Variants in SNX15 observed in about 807,000 individuals in gnomAD.
SNX15 encodes the protein sorting nexin 15.
Under a neutral mutation model 35.2 loss-of-function variants are expected in SNX15, and 29 were observed. The ratio of observed to expected loss-of-function variants is 0.82; its 90% CI spans 0.61 to 1.12. The LOEUF (loss-of-function observed/expected upper bound fraction) is 1.12. SNX15 is among the 50% of genes most tolerant of loss of function. The pLI, the probability that SNX15 is intolerant of heterozygous loss-of-function variation, is 0.00. For synonymous variants in SNX15, 189 were observed against 188.2 expected (o/e 1.00, Z -0.03); for missense variants, 400 against 451.5 (o/e 0.89, Z 1.03).
chr11:65,039,842 TTCTCC>T lies in SNX15; in HGVS notation c.*56_*60del, dbSNP rs766582328. 8.5e-6 allele frequency: 11 copies of T among 1,297,992 alleles called. No homozygotes were observed. The South Asian group carries it at 1.4e-4, about 16-fold the overall frequency. 80.4% of individuals were successfully genotyped at this position (1,297,992 alleles called of 1,614,324 possible). On this transcript the variant is annotated 3_prime_UTR_variant, in exon 8 of 8. Coordinates refer to ENST00000377244, the MANE Select transcript of SNX15 (RefSeq NM_013306.5). ...CTCTCGCTCCTGCACTGCCAGCCCCTTCTCCTCTCCCCAGGGCCTGGCCCTACCTC... is the reference window on the plus strand; with the variant it reads ...CTCTCGCTCCTGCACTGCCAGCCCCTTCTCCCCAGGGCCTGGCCCTACCTC...
At chr11:65,039,592 T>C (rs1168236072) in intron 7 of SNX15, 94 bp from the exon 8 acceptor site, 3 of 704,306 alleles carry the variant, frequency 4.3e-6, no homozygotes, top group Non-Finnish European at 5.0e-6. Flanking sequence ...GAAAAGCACA[T>C]GGTGATGCTC....
chr11:65,035,362 C>T (rs1946489521), intron 5 of SNX15, among the ~76,000 whole-genome samples, 156 bp downstream of exon 5: 1 of 152,188 alleles, frequency 6.6e-6, no homozygotes, highest in African/African-American at 2.4e-5. Context: ...TTTTCCTTCT[C>T]TGTGCTACAG....
intron 3 of SNX15, among the ~76,000 whole-genome samples, chr11:65,034,593 CCT>C (rs2136934574): frequency 6.6e-6 from 1 of 152,326 alleles, no homozygotes; most frequent in African/African-American, 2.4e-5. Flanking sequence ...TGGTTCCTCC[CCT>C]GTTCACCTTC....
rs761905390 is a variant in SNX15 at position 65,038,749 on chromosome 11, G to A, written c.842G>A (p.Arg281Gln). 10 of 1,601,714 alleles carry A rather than the reference G, an allele frequency of 6.2e-6. No individual in the cohort carries two copies. The highest frequency in any genetic ancestry group is 2.2e-5 in the East Asian group (1 of 44,478). The change falls in exon 7 of 8, where the codon CGG becomes CAG. Residue 281 changes from arginine (R) to glutamine (Q), a missense_variant. Physicochemically the swap from Arg to Gln is conservative, Grantham distance 43. Transcript: ENST00000377244. ...QATELITQAL[R>Q]DEKAGAYAAA... ...ACAGAGCTCATCACCCAGGCCCTGC[G>A]GGATGAGAAGGCAGGCGCTTACGCT...
Position 65,039,713 on chromosome 11 carries a change from G to T in SNX15, c.950G>T (p.Gly317Val), listed in dbSNP as rs370952013. 15 of 1,613,490 alleles carry T rather than the reference G, an allele frequency of 9.3e-6. No homozygotes were observed. In the Admixed American group the frequency reaches 2.5e-4, roughly 27 times the overall value. The change falls in exon 8 of 8, where the codon GGT (glycine) becomes GTT (valine). Residue 317 changes from glycine (G) to valine (V), a missense_variant. Coordinates refer to ENST00000377244, the MANE Select transcript of SNX15 (RefSeq NM_013306.5). ...PSDPLPARQE[G>V]VKKKAAEYLK... The stretch of plus-strand genomic sequence containing the variant: ...GACCCGTTGCCTGCCCGCCAGGAAG[G>T]TGTGAAGAAGAAGGCAGCTGAGTAC...
Position 65,038,577 on chromosome 11 carries a change from G to A in SNX15, c.670G>A (p.Ala224Thr), listed in dbSNP as rs138353324. 105 of 1,536,366 alleles carry A rather than the reference G, an allele frequency of 6.8e-5. No individual in the cohort carries two copies. The highest frequency in any genetic ancestry group is 8.7e-5 in the Non-Finnish European group (99 of 1,143,238). ...LFDPFSKEEGAAPSPTHVAEL... is the reference protein window; with the variant it reads ...LFDPFSKEEGTAPSPTHVAEL... ...TCCTCCCTTTCTAACTGCAGAAGGC[G>A]CAGCCCCCAGCCCCACCCATGTGGC... The change falls in exon 7 of 8, where the codon GCA (alanine) becomes ACA (threonine). Residue 224 changes from alanine (A) to threonine (T), a missense_variant. Ala to Thr is a moderately conservative substitution (Grantham distance 58). Coordinates refer to ENST00000377244, the MANE Select transcript of SNX15 (RefSeq NM_013306.5).
At chr11:65,032,358 G>T in intron 2 of SNX15, 73 bp from the exon 3 acceptor site, 1 of 1,609,548 alleles carries the variant, frequency 6.2e-7, no homozygotes, top group Non-Finnish European at 8.5e-7. Flanking sequence ...CACGCCCCCT[G>T]GGGGCAGGCT....
In SNX15 at chr11:65,033,793, C is replaced by T. The variant is rs182487032; in HGVS notation, c.257-1054C>T. Among the ~76,000 whole-genome samples, 20 of 152,046 alleles carry T rather than the reference C, an allele frequency of 1.3e-4. No individual in the cohort carries two copies. In the East Asian group the frequency reaches 3.7e-3, roughly 28 times the overall value. On this transcript the variant is annotated intron_variant, in intron 3 of 7. Transcript: ENST00000377244. ...TATCAGCTCACTGCAAACTCTGCCT[C>T]CCAGGTTTGAGCGATTCTCCTGCCT... is the stretch of plus-strand genomic sequence containing the variant.
At chr11:65,038,546 T>C in intron 6 of SNX15, 26 bp from the exon 7 acceptor site, 2 of 1,514,494 alleles carry the variant, frequency 1.3e-6, no homozygotes, top group Non-Finnish European at 1.8e-6. Context: ...GCCAGTCTGG[T>C]CCGAGTCCTC....
intron 3 of SNX15, among the ~76,000 whole-genome samples, chr11:65,033,356 A>C (rs924162372): frequency 7.2e-5 from 11 of 152,036 alleles, no homozygotes; most frequent in Non-Finnish European, 1.6e-4. Flanking sequence ...CAGCCTGGCC[A>C]ACGTGGTGAA....
Position 65,039,894 on chromosome 11 carries a change from C to G in SNX15, c.*102C>G, listed in dbSNP as rs1398941095. 1.4e-6 allele frequency: 1 copy of G among 695,650 alleles called. No homozygotes were observed. The highest frequency in any genetic ancestry group is 1.8e-5 in the African/African-American group (1 of 55,526). 43.1% of individuals were successfully genotyped at this position (695,650 alleles called of 1,614,324 possible). ...CCTCCTGGTCTTGTAATTACAGGAG[C>G]CATTTCTGTAGGTAACTGGACCAAG... is the stretch of plus-strand genomic sequence containing the variant. On this transcript the variant is annotated 3_prime_UTR_variant, in exon 8 of 8. Coordinates refer to ENST00000377244, the MANE Select transcript of SNX15 (RefSeq NM_013306.5).
In SNX15 at chr11:65,035,741, C is replaced by T. The variant is rs117801549; in HGVS notation, c.664+78C>T. The T allele has an allele frequency of 4.5e-4, 648 of 1,451,692 alleles. 6 individuals carry two copies. The East Asian group carries it at 0.014, about 31-fold the overall frequency. 89.9% of individuals were successfully genotyped at this position (1,451,692 alleles called of 1,614,324 possible). A position where few individuals can be genotyped will look rare whatever the true frequency, so the allele number is the denominator to read the frequency against. On this transcript the variant is annotated intron_variant, in intron 6 of 7. Coordinates refer to ENST00000377244, the MANE Select transcript of SNX15 (RefSeq NM_013306.5). The stretch of plus-strand genomic sequence containing the variant: ...GGGAGGAGGGCAGAGCCCCACTAGC[C>T]TGCTCAGTGCCTGCGCAGATCAGGG...
chr11:65,031,165 G>A (rs1480528363), intron 1 of SNX15, among the ~76,000 whole-genome samples: 2 of 152,028 alleles, frequency 1.3e-5, no homozygotes, highest in African/African-American at 4.8e-5. Context: ...GACTACAGGT[G>A]TGTCACGCCA....
intron 1 of SNX15, among the ~76,000 whole-genome samples, chr11:65,029,957 G>A (rs1946422717): frequency 6.6e-6 from 1 of 151,882 alleles, no homozygotes; most frequent in South Asian, 2.1e-4. Context: ...CATGATTCAC[G>A]TCTTACTGCA....
At chr11:65,032,147 G>C in intron 1 of SNX15, 21 bp from the exon 2 acceptor site, 1 of 1,613,898 alleles carries the variant, frequency 6.2e-7, no homozygotes, top group Non-Finnish European at 8.5e-7. Flanking sequence ...GTCTCAACCA[G>C]CTCTTGCCTT....
chr11:65,031,565 G>C (rs565428277), intron 1 of SNX15, among the ~76,000 whole-genome samples: 1 of 152,304 alleles, frequency 6.6e-6, no homozygotes, highest in South Asian at 2.1e-4. Flanking sequence ...GGGGTTCTTT[G>C]GTTTCAGAAG....
chr11:65,037,218 T>C (rs620981), intron 6 of SNX15: 1 of 151,692 alleles, frequency 6.6e-6, no homozygotes, highest in African/African-American at 2.4e-5. Flanking sequence ...TTTTATTTTT[T>C]TTTATTTATT....
intron 7 of SNX15, 24 bp from the exon 8 acceptor site, chr11:65,039,662 C>T (rs1317254977): frequency 5.7e-6 from 9 of 1,570,954 alleles, no homozygotes; most frequent in Non-Finnish European, 7.9e-6. Flanking sequence ...CCAGGTGCCT[C>T]AGCTGAGCAT....
In SNX15 at chr11:65,038,825, C is replaced by A; in HGVS notation, c.918C>A (p.Val306=). 3 of 1,579,024 alleles carry A rather than the reference C, an allele frequency of 1.9e-6. No individual in the cohort carries two copies. The highest frequency in any genetic ancestry group is 1.2e-5 in the South Asian group (1 of 86,116). ...RDGVHVLLQG[V]PSDPLPARQE... ...GCGTGCACGTCTTGCTTCAGGGAGT[C>A]CCCAGTGAGTAGGGACTGAGGGTGG... The change falls in exon 7 of 8, where the codon GTC becomes GTA. Residue 306 remains valine, a synonymous_variant. Coordinates refer to ENST00000377244, the MANE Select transcript of SNX15 (RefSeq NM_013306.5).
Sources: allele counts gnomAD v4.1 joint callset (sites outside exome capture counted in the v4.1 genomes callset), GRCh38; gene constraint gnomAD v4.1.1; transcripts MANE v1.5; gene names NCBI Gene and HGNC (gene_info 2026-07-23, HGNC 2026-07-21).